The following REC114 variants were observed in gnomAD, a reference collection of about 807,000 sequenced individuals.
The protein encoded by REC114 is meiotic recombination protein REC114.
Under a neutral mutation model 31.3 loss-of-function variants are expected in REC114, and 27 were observed. The ratio of observed to expected loss-of-function variants is 0.86; its 90% CI spans 0.64 to 1.19. REC114 has a LOEUF of 1.19. Among genes scored for constraint, REC114 ranks in the 50% most tolerant of loss-of-function variants. The pLI is 0.00. For missense variants in REC114, 344 were observed against 326.9 expected (o/e 1.05, Z -0.40); for synonymous variants, 134 against 127.7 (o/e 1.05, Z -0.33).
chr15:73,559,864 TTGTGGAAGAGGTAGAAAA>T lies in REC114; in HGVS notation c.750_767del (p.Phe250_Lys256delinsLeu). On this transcript the variant is annotated inframe_deletion, in exon 6 of 6. Transcript: ENST00000331090. The stretch of plus-strand genomic sequence containing the variant: ...CTTATGGATCAGAATTTCCCAGCAT[TTGTGGAAGAGGTAGAAAA>T]GGAACTGAAAAAGCTGGCGGGTTTG... The T allele has an allele frequency of 6.2e-7, 1 of 1,612,770 alleles. No homozygotes were observed.
chr15:73,517,288 C>T lies in REC114; in HGVS notation c.250-23197C>T, dbSNP rs1029193172. Reference sequence around the variant, plus strand: ...AGCAAGGGAGTGACAGAGTCAGTTACGTTTTTACATAAAAAAGGTATCTCT... The same window carrying T: ...AGCAAGGGAGTGACAGAGTCAGTTATGTTTTTACATAAAAAAGGTATCTCT... On this transcript the variant is annotated intron_variant, in intron 2 of 5. Coordinates refer to ENST00000331090, the MANE Select transcript of REC114 (RefSeq NM_001042367.2). Among the ~76,000 whole-genome samples the T allele has an allele frequency of 5.3e-5, 8 of 152,036 alleles. No homozygotes were observed. In the East Asian group the frequency reaches 7.7e-4, roughly 15 times the overall value.
intron 5 of REC114, among the ~76,000 whole-genome samples, chr15:73,557,237 T>C (rs764453878): frequency 3.3e-5 from 5 of 151,546 alleles, no homozygotes; most frequent in Non-Finnish European, 5.9e-5. Flanking sequence ...GCCCAGCTAA[T>C]TTTTGTATTT....
At chr15:73,551,503 T>G (rs1020273197) in intron 4 of REC114, among the ~76,000 whole-genome samples, 1 of 152,190 alleles carries the variant, frequency 6.6e-6, no homozygotes, top group African/African-American at 2.4e-5. Context: ...AACATTTGAA[T>G]TGATGACACA....
At chr15:73,554,596 C>T (rs1894437046) in intron 4 of REC114, among the ~76,000 whole-genome samples, 1 of 152,176 alleles carries the variant, frequency 6.6e-6, no homozygotes, top group African/African-American at 2.4e-5. Context: ...AGGCAACCAG[C>T]CCACCCCAGG....
At chr15:73,461,692 G>C (rs1478506111) in intron 1 of REC114, among the ~76,000 whole-genome samples, 3 of 151,984 alleles carry the variant, frequency 2.0e-5, no homozygotes, top group African/African-American at 7.2e-5. Flanking sequence ...TGATGTATAA[G>C]CTTGTGATAG....
intron 2 of REC114, among the ~76,000 whole-genome samples, chr15:73,526,888 G>T (rs1894015974): frequency 6.6e-6 from 1 of 152,072 alleles, no homozygotes; most frequent in Non-Finnish European, 1.5e-5. Flanking sequence ...CTAATAATCA[G>T]TTTGACCCTT....
At chr15:73,462,151 G>T (rs34743584) in intron 1 of REC114, among the ~76,000 whole-genome samples, 7,910 of 151,450 alleles carry the variant, frequency 0.052, 528 homozygotes, top group African/African-American at 0.15. Flanking sequence ...AGGCTGGTCT[G>T]GAACTCCTGA....
chr15:73,541,747 A>G (rs981763512), intron 3 of REC114, among the ~76,000 whole-genome samples: 10 of 151,908 alleles, frequency 6.6e-5, no homozygotes, highest in Admixed American at 2.0e-4. Flanking sequence ...TTAGCTCCAG[A>G]CCATATCATA....
At chr15:73,446,053 C>T (rs1892760660) in intron 1 of REC114, among the ~76,000 whole-genome samples, 1 of 152,146 alleles carries the variant, frequency 6.6e-6, no homozygotes, top group South Asian at 2.1e-4. Context: ...GTGCCTGTAC[C>T]TACTTCATAG....
chr15:73,496,308 T>C lies in REC114; in HGVS notation c.249+22387T>C, dbSNP rs376493657. Among the ~76,000 whole-genome samples the C allele has an allele frequency of 7.5e-3, 892 of 119,556 alleles. 14 individuals are homozygous for C. The highest frequency in any genetic ancestry group is 6.9e-3 in the Non-Finnish European group (426 of 61,708). The allele number at this position is 119,556 out of a possible 152,430, so 78.4% of individuals were successfully genotyped here. ...CAGAGGTTGCAGTGAGCTGAGATCG[T>C]GCCACTGCAAATTCAGCCTGGTGAC... On this transcript the variant is annotated intron_variant, in intron 2 of 5. Transcript: ENST00000331090.
intron 5 of REC114, among the ~76,000 whole-genome samples, chr15:73,559,442 GTTATCAGCACAGTATTCTTCA>G (rs1311536668): frequency 6.6e-6 from 1 of 152,076 alleles, no homozygotes; most frequent in African/African-American, 2.4e-5. Flanking sequence ...CAATCCACAG[GTTATCAGCACAGTATTCTTCA>G]TTAAAGTAGA....
chr15:73,530,326 T>G (rs1350764605), intron 2 of REC114, among the ~76,000 whole-genome samples: 2 of 152,250 alleles, frequency 1.3e-5, no homozygotes, highest in African/African-American at 2.4e-5. Flanking sequence ...GCTTAATACC[T>G]TAATTATTAG....
chr15:73,496,649 TC>T (rs1488948461), intron 2 of REC114, among the ~76,000 whole-genome samples: 5 of 126,810 alleles, frequency 3.9e-5, no homozygotes, highest in Non-Finnish European at 6.5e-5. Flanking sequence ...TGAGACTCCA[TC>T]CAAAAAAAAA....
At chr15:73,470,611 C>T (rs999961751) in intron 1 of REC114, among the ~76,000 whole-genome samples, 16 of 151,568 alleles carry the variant, frequency 1.1e-4, no homozygotes, top group African/African-American at 3.9e-4. Context: ...GTGTCCAAAA[C>T]GGGGAAAAAA....
At chr15:73,516,628 AGGTG>A (rs1395055189) in intron 2 of REC114, among the ~76,000 whole-genome samples, 24 of 152,036 alleles carry the variant, frequency 1.6e-4, no homozygotes, top group Admixed American at 1.1e-3. Context: ...ACTCAAAGAG[AGGTG>A]CTATAAAGCT....
chr15:73,554,705 G>C (rs1319212424), intron 4 of REC114, among the ~76,000 whole-genome samples: 3 of 152,174 alleles, frequency 2.0e-5, no homozygotes. Flanking sequence ...GGGGACTCCA[G>C]CTACTGTGTG....
chr15:73,521,148 G>A (rs531497970), intron 2 of REC114, among the ~76,000 whole-genome samples: 1 of 152,242 alleles, frequency 6.6e-6, no homozygotes, highest in South Asian at 2.1e-4. Context: ...AAATACTTAA[G>A]AAACGGACAA....
At chr15:73,496,224 C>T (rs765052721) in intron 2 of REC114, among the ~76,000 whole-genome samples, 4 of 151,332 alleles carry the variant, frequency 2.6e-5, no homozygotes, top group African/African-American at 9.7e-5. Flanking sequence ...TGGTGGTGAA[C>T]GTCTGTGGTC....
intron 2 of REC114, chr15:73,483,503 T>C (rs1158035080): frequency 1.3e-5 from 2 of 152,902 alleles, no homozygotes; most frequent in East Asian, 3.8e-4. Context: ...CAATAGTATT[T>C]GTGGGTTTTG....
Sources: gnomAD v4.1 joint callset for allele counts (sites outside exome capture counted in the v4.1 genomes callset) on GRCh38, gnomAD v4.1.1 for gene constraint, MANE v1.5 for transcripts, NCBI Gene and HGNC (gene_info 2026-07-23, HGNC 2026-07-21) for gene names.